Variants in TJP3 observed in about 807,000 individuals in gnomAD.
TJP3 encodes the protein tight junction protein ZO-3.
In TJP3, 85 loss-of-function variants were observed where a neutral mutation model predicts 104.2. That is an observed-to-expected ratio of 0.82 (90% CI 0.68 to 0.98). The LOEUF is 0.98. Ranked by LOEUF, TJP3 falls within the 50% of genes least tolerant of loss-of-function variation. The pLI is 0.00. For synonymous variants in TJP3, 550 were observed against 550.6 expected, an observed-to-expected ratio of 1.00 and a Z score of 0.02; for missense variants, 1,367 against 1,322.8, an observed-to-expected ratio of 1.03 and a Z score of -0.52.
intron 14 of TJP3, chr19:3,743,644 G>T (rs2036849898): frequency 6.5e-6 from 2 of 306,692 alleles, no homozygotes; most frequent in South Asian, 5.9e-5. Context: ...GCTAAAAAGA[G>T]ACCCTACAGC....
chr19:3,721,748 G>A (rs2036543792), intron 1 of TJP3: 1 of 397,628 alleles, frequency 2.5e-6, no homozygotes, highest in Admixed American at 4.5e-5. Context: ...GCCGGGAGCT[G>A]CGGAGCTGGA....
rs537413723 is a variant in TJP3, at chr19:3,728,589, C to T, written c.49-15C>T. 29 of 1,609,570 alleles carry T rather than the reference C, an allele frequency of 1.8e-5. No individual in the cohort carries two copies. In the African/African-American group the frequency reaches 3.2e-4, roughly 18 times the overall value. ...GGGGAAACAGCAGCTCTTCCTTCCC[C>T]TCATCCTCTCTCAGGACCCCCGCCG... On this transcript the variant is annotated splice_polypyrimidine_tract_variant and intron_variant, in intron 2 of 20. Coordinates refer to ENST00000541714, the MANE Select transcript of TJP3 (RefSeq NM_001267560.2).
intron 1 of TJP3, among the ~76,000 whole-genome samples, chr19:3,718,653 G>C (rs1347942419): frequency 6.6e-5 from 10 of 151,358 alleles, no homozygotes; most frequent in African/African-American, 1.9e-4. Flanking sequence ...ATTTTCAGTA[G>C]AGACAGGGTT....
chr19:3,732,176 G>T, intron 6 of TJP3, 138 bp downstream of exon 6: 6 of 641,806 alleles, frequency 9.3e-6, no homozygotes, highest in Non-Finnish European at 1.3e-5. Flanking sequence ...GTATCTCAAA[G>T]GTTGCAGATG....
In TJP3 at chr19:3,746,077, A is replaced by G. The variant is rs1367026556; in HGVS notation, c.2006A>G (p.Glu669Gly). 1 of 1,608,038 alleles carries G rather than the reference A, an allele frequency of 6.2e-7. No individual in the cohort carries two copies. Among genetic ancestry groups the G allele is most frequent in the Admixed American group, 1.7e-5 (1 of 59,224 alleles). Reference protein sequence around the residue: ...IKLDTVRVIAEKDKHALLDVT... With the variant: ...IKLDTVRVIAGKDKHALLDVT... ...CTAGACACCGTGCGGGTGATTGCAGAAAAAGTAAGCCGGGTCCTGCTACGG... is the reference window on the plus strand; with the variant it reads ...CTAGACACCGTGCGGGTGATTGCAGGAAAAGTAAGCCGGGTCCTGCTACGG... The change falls in exon 16 of 21, where the codon GAA (glutamate) becomes GGA (glycine). Residue 669 changes from glutamate (E) to glycine (G), a missense_variant. Transcript: ENST00000541714. The surrounding 1 kb of genome is among the most constrained non-coding windows in gnomAD (Gnocchi z 4.1).
Position 3,746,588 on chromosome 19 carries a change from C to A in TJP3, c.2114C>A (p.Ala705Asp). The A allele has an allele frequency of 6.2e-7, 1 of 1,613,894 alleles. No individual in the cohort carries two copies. Among genetic ancestry groups the A allele is most frequent in the Non-Finnish European group, 8.5e-7 (1 of 1,179,986 alleles). Residue 705 changes from alanine to aspartate, a missense_variant, in exon 17 of 21, where the codon GCC becomes GAC. Coordinates refer to ENST00000541714, the MANE Select transcript of TJP3 (RefSeq NM_001267560.2). The surrounding 1 kb of genome is among the most constrained non-coding windows in gnomAD (Gnocchi z 4.1). The part of the protein sequence containing the change: ...VVFFIPESRP[A>D]LKALRQWLAP... ...TTCTTCATCCCCGAGAGCCGGCCGG[C>A]CCTCAAGGCACTGCGCCAGTGGCTG...
chr19:3,750,042 C>T lies in TJP3; in HGVS notation c.2611-96C>T, dbSNP rs1470510010. The T allele has an allele frequency of 2.3e-5, 35 of 1,532,982 alleles. 1 individual carries two copies. Among genetic ancestry groups the T allele is most frequent in the South Asian group, 2.1e-4 (19 of 88,626 alleles). The allele number at this position is 1,532,982 out of a possible 1,614,324, so 95.0% of individuals were successfully genotyped here. The stretch of plus-strand genomic sequence containing the variant: ...GGGTTAGCAAGTGGGCAGCATGGCC[C>T]GGGCCAAGGTGGGGGATGGGATGGA... On this transcript the variant is annotated intron_variant, in intron 19 of 20. Coordinates refer to ENST00000541714, the MANE Select transcript of TJP3 (RefSeq NM_001267560.2).
At chr19:3,739,787 G>C (rs1346413884) in intron 13 of TJP3, among the ~76,000 whole-genome samples, 1 of 152,066 alleles carries the variant, frequency 6.6e-6, no homozygotes, top group Non-Finnish European at 1.5e-5. Context: ...CCCTCAGCTC[G>C]GGGCCCCTTC....
At chr19:3,726,692 T>C (rs1336126643) in intron 1 of TJP3, among the ~76,000 whole-genome samples, 1 of 150,906 alleles carries the variant, frequency 6.6e-6, no homozygotes, top group African/African-American at 2.4e-5. Flanking sequence ...CTCCTGTCTC[T>C]ATAAAAATAG....
chr19:3,729,992 A>C (rs746788490), intron 3 of TJP3, 36 bp from the exon 4 acceptor site: 2 of 1,593,404 alleles, frequency 1.3e-6, no homozygotes, highest in Non-Finnish European at 1.7e-6. Context: ...TCTCCCCTGC[A>C]AAGCCTCCTC....
At position 3,743,925 on chromosome 19, in the gene TJP3, T is replaced by G. The variant is rs1386706572; in HGVS notation, c.1844-14T>G. The G allele has an allele frequency of 6.2e-7, 1 of 1,613,558 alleles. No individual in the cohort carries two copies. Among genetic ancestry groups the G allele is most frequent in the Non-Finnish European group, 8.5e-7 (1 of 1,179,556 alleles). Reference sequence around the variant, plus strand: ...ATGGGACCCTGATTCTTTCACTGTGTCTCTACCCCTCAGCCAGTTTCAAGC... The same window carrying G: ...ATGGGACCCTGATTCTTTCACTGTGGCTCTACCCCTCAGCCAGTTTCAAGC... On this transcript the variant is annotated splice_polypyrimidine_tract_variant and intron_variant, in intron 14 of 20. Coordinates refer to ENST00000541714, the MANE Select transcript of TJP3 (RefSeq NM_001267560.2).
chr19:3,746,698 T>TG lies in TJP3; in HGVS notation c.2221+9dup, dbSNP rs756917585. 1.6e-5 allele frequency: 25 copies of TG among 1,609,358 alleles called. No individual in the cohort carries two copies. Among genetic ancestry groups the TG allele is most frequent in the African/African-American group, 1.2e-4 (9 of 74,972 alleles). ...ACACAGCAGCCACCTCTTCACAGGTTGGGGGGTGGGTGTCCCAGGGTAGGC... is the reference window on the plus strand; with the variant it reads ...ACACAGCAGCCACCTCTTCACAGGTTGGGGGGGTGGGTGTCCCAGGGTAGGC... On this transcript the variant is annotated splice_donor_region_variant and intron_variant, in intron 17 of 20. Transcript: ENST00000541714. The surrounding 1 kb of genome is among the most constrained non-coding windows in gnomAD (Gnocchi z 4.1).
At position 3,732,090 on chromosome 19, in the gene TJP3, C is replaced by T. The variant is rs376845268; in HGVS notation, c.717+52C>T. On this transcript the variant is annotated intron_variant, in intron 6 of 20. Coordinates refer to ENST00000541714, the MANE Select transcript of TJP3 (RefSeq NM_001267560.2). ...GCAGGGAGACAAGGCAGGGTTGGGG[C>T]GGGCAGTCCCACGGAGTCATACAGC... 8.1e-5 allele frequency: 122 copies of T among 1,509,744 alleles called. 1 individual carries two copies. Among genetic ancestry groups the T allele is most frequent in the South Asian group, 6.7e-4 (57 of 84,754 alleles). 93.5% of individuals were successfully genotyped at this position (1,509,744 alleles called of 1,614,324 possible). A position where few individuals can be genotyped will look rare whatever the true frequency, so the allele number is the denominator to read the frequency against.
intron 18 of TJP3, 144 bp from the exon 19 acceptor site, chr19:3,747,650 G>A: frequency 9.8e-7 from 1 of 1,024,790 alleles, no homozygotes; most frequent in Non-Finnish European, 1.4e-6. Flanking sequence ...CCATCCTGGA[G>A]TCAACAGAGA....
chr19:3,747,085 A>T (rs994263794), intron 18 of TJP3, among the ~76,000 whole-genome samples: 2 of 151,852 alleles, frequency 1.3e-5, no homozygotes, highest in African/African-American at 4.8e-5. Flanking sequence ...TTGATTTGAG[A>T]TGGAGTCTCA....
At chr19:3,728,741 C>T (rs372647193) in intron 3 of TJP3, 28 bp downstream of exon 3, 45 of 1,607,880 alleles carry the variant, frequency 2.8e-5, no homozygotes, top group African/African-American at 1.3e-4. Context: ...TGGGTTCTGG[C>T]GGGGGAGGGC....
intron 1 of TJP3, among the ~76,000 whole-genome samples, chr19:3,718,358 C>T (rs1478050053): frequency 6.7e-6 from 1 of 150,348 alleles, no homozygotes; most frequent in Non-Finnish European, 1.5e-5. Flanking sequence ...GCTGGGACTA[C>T]AAGCGTGAGC....
rs1193661377 is a variant in TJP3, at chr19:3,728,634, T to G, written c.79T>G (p.Ser27Ala). The change falls in exon 3 of 21, where the codon TCT (serine) becomes GCT (alanine). Residue 27 changes from serine (S) to alanine (A), a missense_variant. Ser to Ala is a moderately conservative substitution (Grantham distance 99). Transcript: ENST00000541714. ...DPRRGFGIAI[S>A]GGRDRPGGSM... is the part of the protein sequence containing the mutation. ...CCGCCGGGGCTTTGGCATTGCGATC[T>G]CTGGAGGCCGAGACCGGCCCGGTGG... The G allele has an allele frequency of 1.2e-6, 2 of 1,613,484 alleles. No homozygotes were observed. Among genetic ancestry groups the G allele is most frequent in the African/African-American group, 2.7e-5 (2 of 74,914 alleles).
intron 1 of TJP3, among the ~76,000 whole-genome samples, chr19:3,712,418 C>G (rs762109823): frequency 6.6e-6 from 1 of 152,192 alleles, no homozygotes; most frequent in African/African-American, 2.4e-5. Context: ...TCACCTTTGG[C>G]TTTCCCACTG....
Sources: allele counts gnomAD v4.1 joint callset (sites outside exome capture counted in the v4.1 genomes callset), GRCh38; gene constraint gnomAD v4.1.1; non-coding constraint Gnocchi (gnomAD v3.1); transcripts MANE v1.5; gene names NCBI Gene and HGNC (gene_info 2026-07-23, HGNC 2026-07-21).